JAZF1: variants seen among roughly 807,000 people sequenced by gnomAD.
JAZF1 encodes the protein juxtaposed with another zinc finger protein 1.
A neutral mutation model predicts 26.4 loss-of-function variants in JAZF1; 8 were observed. The ratio of observed to expected loss-of-function variants is 0.30; its 90% CI spans 0.18 to 0.55. JAZF1 has a LOEUF of 0.55. Ranked by LOEUF, JAZF1 falls within the 20% of genes least tolerant of loss-of-function variation. JAZF1 has a pLI of 0.94. For synonymous variants in JAZF1, 126 were observed against 122.3 expected (o/e 1.03, Z -0.20); for missense variants, 199 against 322.0 (o/e 0.62, Z 2.92).
chr7:28,098,000 G>T (rs1005371184), intron 1 of JAZF1, among the ~76,000 whole-genome samples: 3 of 152,040 alleles, frequency 2.0e-5, no homozygotes, highest in Non-Finnish European at 4.4e-5. Context: ...CACACAAAAC[G>T]GAACATTTTG....
chr7:28,122,208 T>C (rs1321913648), intron 1 of JAZF1, among the ~76,000 whole-genome samples: 1 of 152,170 alleles, frequency 6.6e-6, no homozygotes, highest in Non-Finnish European at 1.5e-5. Context: ...ACCAAATACA[T>C]ACAAGTCCTG....
chr7:27,862,359 C>T (rs1306552107), intron 3 of JAZF1, among the ~76,000 whole-genome samples: 1 of 152,074 alleles, frequency 6.6e-6, no homozygotes, highest in Non-Finnish European at 1.5e-5. Context: ...CCCCTCCCGC[C>T]TCCCCCGCCC....
intron 2 of JAZF1, among the ~76,000 whole-genome samples, chr7:27,922,283 C>T (rs980092048): frequency 2.0e-5 from 3 of 152,186 alleles, no homozygotes; most frequent in Admixed American, 6.5e-5. Context: ...CTCACTCAGT[C>T]GCCCAGGCTG....
rs116862144 is a variant in JAZF1, at chr7:27,863,007, G to A, written c.386-22140C>T. The stretch of plus-strand genomic sequence containing the variant: ...TGCTTGTGGGGCCCGATGGTCCCAT[G>A]TGAGGGCTGCTTCTGGGTAGGGCCA... On this transcript the variant is annotated intron_variant, in intron 3 of 4. Coordinates refer to ENST00000283928, the MANE Select transcript of JAZF1 (RefSeq NM_175061.4). Among the ~76,000 whole-genome samples the A allele has an allele frequency of 5.6e-4, 85 of 152,318 alleles. No individual in the cohort carries two copies. In the East Asian group the frequency reaches 0.012, roughly 22 times the overall value.
intron 1 of JAZF1, among the ~76,000 whole-genome samples, chr7:28,119,962 C>T (rs1325869704): frequency 2.0e-5 from 3 of 152,088 alleles, no homozygotes; most frequent in Non-Finnish European, 4.4e-5. Context: ...CCTAACAAGC[C>T]CCTACCATGT....
intron 1 of JAZF1, among the ~76,000 whole-genome samples, chr7:28,038,667 A>G (rs905804934): frequency 3.3e-5 from 5 of 152,186 alleles, no homozygotes; most frequent in African/African-American, 4.8e-5. Flanking sequence ...CACACACCCC[A>G]TAACTCCAGC....
intron 1 of JAZF1, among the ~76,000 whole-genome samples, chr7:28,033,292 T>G (rs1473366033): frequency 1.3e-5 from 2 of 152,086 alleles, no homozygotes; most frequent in African/African-American, 4.8e-5. Context: ...GACCACAGAT[T>G]TGGAGCCTAG....
intron 2 of JAZF1, among the ~76,000 whole-genome samples, chr7:27,981,692 G>A (rs1212575715): frequency 6.6e-6 from 1 of 152,142 alleles, no homozygotes; most frequent in African/African-American, 2.4e-5. Flanking sequence ...TTACATTTTT[G>A]TCAGACTATA....
intron 2 of JAZF1, among the ~76,000 whole-genome samples, chr7:27,929,902 T>A (rs1244533991): frequency 6.6e-6 from 1 of 151,346 alleles, no homozygotes; most frequent in African/African-American, 2.4e-5. Context: ...GAGAATTTAT[T>A]TCCTTCTCTA....
chr7:27,905,459 G>T (rs1784238587), intron 2 of JAZF1, among the ~76,000 whole-genome samples: 1 of 149,744 alleles, frequency 6.7e-6, no homozygotes. Context: ...TGGGGGAGAG[G>T]GAAGAAGAAA....
intron 3 of JAZF1, among the ~76,000 whole-genome samples, chr7:27,874,659 A>G (rs1040797676): frequency 1.4e-4 from 21 of 152,260 alleles, no homozygotes; most frequent in Non-Finnish European, 2.6e-4. Flanking sequence ...TCTAACATCT[A>G]GGAGAAAAGA....
intron 2 of JAZF1, among the ~76,000 whole-genome samples, chr7:27,941,853 T>A (rs915310477): frequency 6.6e-6 from 1 of 152,140 alleles, no homozygotes; most frequent in African/African-American, 2.4e-5. Context: ...TATGCCAGCT[T>A]CAGCACGGCC....
intron 1 of JAZF1, among the ~76,000 whole-genome samples, chr7:28,123,573 C>T (rs2127938870): frequency 6.6e-6 from 1 of 152,344 alleles, no homozygotes; most frequent in South Asian, 2.1e-4. Flanking sequence ...TCTATAGTGT[C>T]TGTGTCATTA....
chr7:27,979,142 T>G (rs1327637376), intron 2 of JAZF1, among the ~76,000 whole-genome samples: 1 of 152,016 alleles, frequency 6.6e-6, no homozygotes, highest in African/African-American at 2.4e-5. Context: ...GTAACTAAGT[T>G]ATAAGAACAT....
chr7:27,860,874 CCCT>C (rs139753712), intron 3 of JAZF1, among the ~76,000 whole-genome samples: 29,625 of 151,906 alleles, frequency 0.2, 3,797 homozygotes, highest in East Asian at 0.49. Flanking sequence ...CTCCCCTCGT[CCCT>C]CCTTTTTCCT....
At chr7:27,941,282 C>A (rs1180215338) in intron 2 of JAZF1, among the ~76,000 whole-genome samples, 1 of 152,150 alleles carries the variant, frequency 6.6e-6, no homozygotes, top group Non-Finnish European at 1.5e-5. Flanking sequence ...TTCCCTTTTT[C>A]CTTCATAAAT....
At chr7:28,155,964 C>T (rs1783178732) in intron 1 of JAZF1, among the ~76,000 whole-genome samples, 2 of 152,190 alleles carry the variant, frequency 1.3e-5, no homozygotes, top group South Asian at 4.1e-4. Context: ...TATGAGGTTA[C>T]ATAAGCTAAT....
intron 1 of JAZF1, among the ~76,000 whole-genome samples, chr7:28,103,461 AT>A (rs1278580564): frequency 8.6e-5 from 13 of 151,180 alleles, no homozygotes; most frequent in East Asian, 3.9e-4. Flanking sequence ...TCTCTAAAAT[AT>A]TTTTTTTTAA....
At chr7:28,103,960 C>A (rs1048559754) in intron 1 of JAZF1, among the ~76,000 whole-genome samples, 2 of 152,236 alleles carry the variant, frequency 1.3e-5, no homozygotes, top group Non-Finnish European at 2.9e-5. Context: ...AAAGCGCAAA[C>A]TGGCCTACGT....
Sources: gnomAD v4.1 joint callset for allele counts (sites outside exome capture counted in the v4.1 genomes callset) on GRCh38, gnomAD v4.1.1 for gene constraint, MANE v1.5 for transcripts, NCBI Gene and HGNC (gene_info 2026-07-23, HGNC 2026-07-21) for gene names.